Variants in EVI5L observed in about 807,000 individuals in gnomAD.
The protein encoded by EVI5L is EVI5-like protein.
EVI5L carries 30 observed loss-of-function variants against 106.1 expected under a neutral mutation model. That is an observed-to-expected ratio of 0.28 (90% CI 0.21 to 0.38). The LOEUF (loss-of-function observed/expected upper bound fraction) is 0.38, where lower values mean the gene tolerates loss of function less well. Ranked by LOEUF, EVI5L falls within the 10% of genes least tolerant of loss-of-function variation. EVI5L has a pLI of 1.00. For synonymous variants in EVI5L, 489 were observed against 483.3 expected, an observed-to-expected ratio of 1.01 and a Z score of -0.15; for missense variants, 809 against 1,098.0, an observed-to-expected ratio of 0.74 and a Z score of 3.72.
rs547876868 is a variant in EVI5L, at chr19:7,850,723, G to A, written c.753+601G>A. Among the ~76,000 whole-genome samples the A allele has an allele frequency of 5.3e-5, 8 of 152,282 alleles. No individual in the cohort carries two copies. Among genetic ancestry groups the A allele is most frequent in the African/African-American group, 1.7e-4 (7 of 41,564 alleles). On this transcript the variant is annotated intron_variant, in intron 6 of 19. Coordinates refer to ENST00000538904, the MANE Select transcript of EVI5L (RefSeq NM_001159944.3). This position sits in a 1 kb window ranked among gnomAD's most constrained non-coding sequence, Gnocchi z 5.4. ...CTGGGCCTGGATCATGGACGGTGCT[G>A]TAGCCTTAGGGGGCCTGGTAGTGCC... is the stretch of plus-strand genomic sequence containing the variant.
rs1156945873 is a variant in EVI5L at position 7,863,588 on chromosome 19, G to A, written c.2304G>A (p.Pro768=). Residue 768 remains proline, a synonymous_variant, in exon 20 of 20, where the codon CCG becomes CCA. Coordinates refer to ENST00000538904, the MANE Select transcript of EVI5L (RefSeq NM_001159944.3). The surrounding 1 kb of genome is among the most constrained non-coding windows in gnomAD (Gnocchi z 7.7). ...ALQDALYPLS[P]RDARFFRRLE... ...AGGACGCATTGTACCCTCTGTCCCCGCGCGATGCGCGCTTCTTCCGCCGTC... is the reference window on the plus strand; with the variant it reads ...AGGACGCATTGTACCCTCTGTCCCCACGCGATGCGCGCTTCTTCCGCCGTC... The A allele has an allele frequency of 3.2e-6, 5 of 1,585,502 alleles. No homozygotes were observed. The highest frequency in any genetic ancestry group is 4.3e-6 in the Non-Finnish European group (5 of 1,166,664).
At position 7,857,124 on chromosome 19, in the gene EVI5L, G is replaced by C. The variant is rs1365386882; in HGVS notation, c.1233G>C (p.Gln411His). ...CTGCTCTGGCTGATAGGTTAATCCAGGTACTGTAGCTTTTTATCCCCTCTC... is the reference window on the plus strand; with the variant it reads ...CTGCTCTGGCTGATAGGTTAATCCACGTACTGTAGCTTTTTATCCCCTCTC... ...ESAALADRLI[Q>H]GQVTRAQEAE... is the part of the protein sequence containing the mutation. The change falls in exon 12 of 20, where the codon CAG becomes CAC. Residue 411 changes from glutamine to histidine, a missense_variant and splice_region_variant. Gln to His is a conservative substitution (Grantham distance 24). Around this residue, in one of 2 missense-constraint regions of EVI5L, gnomAD observed 357 missense variants for 588.1 expected, o/e 0.61. Transcript: ENST00000538904. This position sits in a 1 kb window ranked among gnomAD's most constrained non-coding sequence, Gnocchi z 4.5. The C allele has an allele frequency of 6.4e-7, 1 of 1,551,632 alleles. No individual in the cohort carries two copies. The highest frequency in any genetic ancestry group is 8.7e-7 in the Non-Finnish European group (1 of 1,147,006).
At chr19:7,861,588 G>C (rs1007998428) in intron 14 of EVI5L, among the ~76,000 whole-genome samples, 2 of 152,238 alleles carry the variant, frequency 1.3e-5, no homozygotes, top group Non-Finnish European at 2.9e-5. Flanking sequence ...TGAGGGGATG[G>C]ATCTCAGACC....
intron 17 of EVI5L, among the ~76,000 whole-genome samples, 188 bp downstream of exon 17, chr19:7,862,722 C>T (rs1979889255): frequency 8.3e-6 from 1 of 120,058 alleles, no homozygotes; most frequent in Non-Finnish European, 1.8e-5. Flanking sequence ...CCTCCTGATC[C>T]GGCCCCGCCT....
At chr19:7,831,444 C>T (rs1978293078) in intron 1 of EVI5L, among the ~76,000 whole-genome samples, 1 of 151,922 alleles carries the variant, frequency 6.6e-6, no homozygotes, top group Non-Finnish European at 1.5e-5. Context: ...GCAGAGATTC[C>T]AGAGACCATG....
At chr19:7,838,195 G>A (rs1398466822) in intron 1 of EVI5L, among the ~76,000 whole-genome samples, 1 of 151,422 alleles carries the variant, frequency 6.6e-6, no homozygotes, top group Non-Finnish European at 1.5e-5. Context: ...TGCAACTTCC[G>A]CCTCCTGGGT....
At chr19:7,853,003 C>A (rs755263820) in intron 8 of EVI5L, 83 bp from the exon 9 acceptor site, 4 of 1,403,024 alleles carry the variant, frequency 2.9e-6, no homozygotes, top group East Asian at 2.3e-5. Context: ...TTCCTGCCCC[C>A]CTCCAGGGCA....
At position 7,860,692 on chromosome 19, in the gene EVI5L, G is replaced by T; in HGVS notation, c.1503+3G>T. 6.3e-7 allele frequency: 1 copy of T among 1,579,440 alleles called. No homozygotes were observed. The highest frequency in any genetic ancestry group is 2.3e-5 in the East Asian group (1 of 43,182). On this transcript the variant is annotated splice_donor_region_variant and intron_variant, in intron 14 of 19. Transcript: ENST00000538904. Reference sequence around the variant, plus strand: ...ACAAGGTTCTCGACATGGAAAAGGTGCAATGGGGAGGCAGACGGGCAGGTG... The same window carrying T: ...ACAAGGTTCTCGACATGGAAAAGGTTCAATGGGGAGGCAGACGGGCAGGTG...
At chr19:7,833,344 C>T (rs1342796100) in intron 1 of EVI5L, among the ~76,000 whole-genome samples, 1 of 152,250 alleles carries the variant, frequency 6.6e-6, no homozygotes, top group Non-Finnish European at 1.5e-5. Flanking sequence ...GCGGCCCCCG[C>T]CATGTGCTCA....
In EVI5L at chr19:7,857,174, T is replaced by C; in HGVS notation, c.1233+50T>C. 1 of 1,547,526 alleles carries C rather than the reference T, an allele frequency of 6.5e-7. No individual in the cohort carries two copies. The highest frequency in any genetic ancestry group is 2.4e-5 in the East Asian group (1 of 40,898). On this transcript the variant is annotated intron_variant, in intron 12 of 19. Coordinates refer to ENST00000538904, the MANE Select transcript of EVI5L (RefSeq NM_001159944.3). This position sits in a 1 kb window ranked among gnomAD's most constrained non-coding sequence, Gnocchi z 4.5. ...CCGGATTCCTTCCTGGCCCCTTCCC[T>C]GCACCCTGCACATGACAGCCAGTAA...
At chr19:7,839,313 A>C (rs894364269) in intron 1 of EVI5L, among the ~76,000 whole-genome samples, 1 of 151,838 alleles carries the variant, frequency 6.6e-6, no homozygotes, top group African/African-American at 2.4e-5. Context: ...TCTAAAAAAA[A>C]AAAATCCAAA....
chr19:7,843,751 AGT>A (rs1224555943), intron 1 of EVI5L, among the ~76,000 whole-genome samples: 1 of 151,514 alleles, frequency 6.6e-6, no homozygotes, highest in Admixed American at 6.6e-5. Flanking sequence ...TTTGTATGTG[AGT>A]GGGGGTGGGT....
At position 7,858,370 on chromosome 19, in the gene EVI5L, A is replaced by ACCCGCG; in HGVS notation, c.1374+43_1374+48dup. The ACCCGCG allele has an allele frequency of 2.0e-6, 3 of 1,510,868 alleles. No individual in the cohort carries two copies. Among genetic ancestry groups the ACCCGCG allele is most frequent in the Non-Finnish European group, 2.6e-6 (3 of 1,133,028 alleles). The allele number at this position is 1,510,868 out of a possible 1,614,324, so 93.6% of individuals were successfully genotyped here. On this transcript the variant is annotated intron_variant, in intron 13 of 19. Transcript: ENST00000538904. The surrounding 1 kb of genome is among the most constrained non-coding windows in gnomAD (Gnocchi z 5.7). The stretch of plus-strand genomic sequence containing the variant: ...TGCGGGGCTGCTGGGCGGGGCCATG[A>ACCCGCG]CCCGCGCCCCCGCCCCCGCCCAACG...
intron 17 of EVI5L, 146 bp from the exon 18 acceptor site, chr19:7,862,826 C>G: frequency 2.0e-6 from 1 of 492,952 alleles, no homozygotes; most frequent in Non-Finnish European, 3.3e-6. Context: ...CCCTTGCCCG[C>G]GGTCCCGCCC....
intron 1 of EVI5L, among the ~76,000 whole-genome samples, chr19:7,838,362 T>C (rs994045684): frequency 2.0e-5 from 3 of 151,684 alleles, no homozygotes; most frequent in African/African-American, 7.3e-5. Flanking sequence ...CCGCCGGCCT[T>C]GGCCTCCCAA....
chr19:7,858,217 G>A lies in EVI5L; in HGVS notation c.1260G>A (p.Ala420=), dbSNP rs746919801. 1.1e-5 allele frequency: 18 copies of A among 1,567,672 alleles called. No homozygotes were observed. The highest frequency in any genetic ancestry group is 1.4e-5 in the Non-Finnish European group (16 of 1,156,436). The change falls in exon 13 of 20, where the codon GCG becomes GCA. Residue 420 remains alanine, a synonymous_variant. Transcript: ENST00000538904. This position sits in a 1 kb window ranked among gnomAD's most constrained non-coding sequence, Gnocchi z 5.7. The part of the protein sequence containing the change: ...IQGQVTRAQE[A]EENYVIKREL... ...GGCAAGTGACACGGGCGCAGGAGGC[G>A]GAGGAGAACTACGTCATCAAGCGGG...
At chr19:7,834,354 TA>T (rs1037783497) in intron 1 of EVI5L, among the ~76,000 whole-genome samples, 3 of 151,964 alleles carry the variant, frequency 2.0e-5, no homozygotes, top group Non-Finnish European at 4.4e-5. Context: ...TAAAAATTTT[TA>T]AAAAAAGAAA....
At position 7,856,496 on chromosome 19, in the gene EVI5L, A is replaced by C. The variant is rs569567458; in HGVS notation, c.1200+428A>C. ...CCCAGTGGAGGAGAAGCGTGGCGCC[A>C]TGGTGGGGAGCCACAGCCCGGACTC... On this transcript the variant is annotated intron_variant, in intron 11 of 19. Transcript: ENST00000538904. This position sits in a 1 kb window ranked among gnomAD's most constrained non-coding sequence, Gnocchi z 6.6. Among the ~76,000 whole-genome samples, 1 of 151,904 alleles carries C rather than the reference A, an allele frequency of 6.6e-6. No individual in the cohort carries two copies. Among genetic ancestry groups the C allele is most frequent in the Non-Finnish European group, 1.5e-5 (1 of 67,962 alleles).
Position 7,850,661 on chromosome 19 carries a change from G to T in EVI5L, c.753+539G>T, listed in dbSNP as rs1053704086. ...CGCCTCAGCTGCCATGGCAGGTGGG[G>T]CTGTGCAGTCATCCCTGGATGTGAC... On this transcript the variant is annotated intron_variant, in intron 6 of 19. Transcript: ENST00000538904. This position sits in a 1 kb window ranked among gnomAD's most constrained non-coding sequence, Gnocchi z 5.4. Among the ~76,000 whole-genome samples, 186 of 152,280 alleles carry T rather than the reference G, an allele frequency of 1.2e-3. 1 individual carries two copies. The highest frequency in any genetic ancestry group is 9.7e-4 in the East Asian group (5 of 5,180).
Sources: gnomAD v4.1 joint callset for allele counts (sites outside exome capture counted in the v4.1 genomes callset) on GRCh38, gnomAD v4.1.1 for gene constraint, gnomAD v4.1.1 regional missense constraint, Gnocchi (gnomAD v3.1) non-coding constraint, MANE v1.5 for transcripts, NCBI Gene and HGNC (gene_info 2026-07-23, HGNC 2026-07-21) for gene names.